The following CIMIP2C variants were observed in gnomAD, a reference collection of about 807,000 sequenced individuals.
CIMIP2C encodes UPF0573 protein C2orf70.
the CIMIP2C span, chr2:26,576,014 C>T: frequency 1.2e-6 from 2 of 1,614,224 alleles, no homozygotes; most frequent in Admixed American, 3.3e-5. Flanking sequence ...GAGCCACACT[C>T]CCTTCAGCCA....
chr2:26,565,601 A>G, the CIMIP2C span, among the ~76,000 whole-genome samples: 1 of 152,142 alleles, frequency 6.6e-6, no homozygotes, highest in East Asian at 1.9e-4. Flanking sequence ...CTCTGGAGCA[A>G]GCCTGCCTGG....
chr2:26,573,224 G>A, the CIMIP2C span, among the ~76,000 whole-genome samples: 3 of 152,136 alleles, frequency 2.0e-5, no homozygotes, highest in Non-Finnish European at 1.5e-5. Flanking sequence ...AAGATGCAGC[G>A]TATTCCTTAG....
chr2:26,579,356 C>T, the CIMIP2C span: 1 of 1,614,064 alleles, frequency 6.2e-7, no homozygotes, highest in Non-Finnish European at 8.5e-7. Context: ...AACCTGAAGA[C>T]CTACCAGACC....
At chr2:26,572,065 G>C in the CIMIP2C span, 1 of 1,530,104 alleles carries the variant, frequency 6.5e-7, no homozygotes, top group Non-Finnish European at 8.8e-7. Context: ...ACCATCAAAG[G>C]ACTAAAGCCA....
the CIMIP2C span, among the ~76,000 whole-genome samples, chr2:26,575,546 G>C: frequency 6.6e-6 from 1 of 152,176 alleles, no homozygotes; most frequent in South Asian, 2.1e-4. Context: ...AGACCTCTGT[G>C]GGGAGGGAGA....
chr2:26,577,972 C>T, the CIMIP2C span: 3 of 291,648 alleles, frequency 1.0e-5, no homozygotes, highest in Non-Finnish European at 1.9e-5. Flanking sequence ...ACGTGGGCGC[C>T]GATGCAGAGC....
At chr2:26,577,411 G>A in the CIMIP2C span, 4 of 1,050,776 alleles carry the variant, frequency 3.8e-6, no homozygotes, top group Admixed American at 4.4e-5. Flanking sequence ...CATTAGGGGA[G>A]GTGGCCCCCA....
At chr2:26,576,172 C>T in the CIMIP2C span, 8 of 1,612,554 alleles carry the variant, frequency 5.0e-6, no homozygotes. Context: ...CGAATTTCTA[C>T]CAGGTAAGCT....
chr2:26,577,956 G>A, the CIMIP2C span: 2 of 339,554 alleles, frequency 5.9e-6, no homozygotes, highest in South Asian at 7.7e-5. Flanking sequence ...AGCTACACTA[G>A]TCCTAACGTG....
chr2:26,564,228 C>G, the CIMIP2C span, among the ~76,000 whole-genome samples: 2 of 152,156 alleles, frequency 1.3e-5, no homozygotes, highest in Non-Finnish European at 2.9e-5. Flanking sequence ...TTTTCTTAAG[C>G]CTCCCACAGT....
At chr2:26,577,571 T>A in the CIMIP2C span, 2 of 1,613,918 alleles carry the variant, frequency 1.2e-6, no homozygotes, top group Non-Finnish European at 1.7e-6. Context: ...GTGCCTCGAG[T>A]CCCCTACTTT....
the CIMIP2C span, chr2:26,562,636 C>G: frequency 6.3e-7 from 1 of 1,586,930 alleles, no homozygotes; most frequent in Non-Finnish European, 8.6e-7. Flanking sequence ...GCGCGGGCAC[C>G]CTACTGACCG....
chr2:26,577,486 C>T, the CIMIP2C span: 2 of 1,595,844 alleles, frequency 1.3e-6, no homozygotes, highest in Middle Eastern at 1.7e-4. Flanking sequence ...GCACTAACAA[C>T]CTGTCATCTC....
the CIMIP2C span, among the ~76,000 whole-genome samples, chr2:26,564,714 C>G: frequency 6.6e-6 from 1 of 152,266 alleles, no homozygotes; most frequent in African/African-American, 2.4e-5. Flanking sequence ...TGTTCAAACA[C>G]TAATCACAGG....
Sources: allele counts gnomAD v4.1 joint callset (sites outside exome capture counted in the v4.1 genomes callset), GRCh38; gene constraint gnomAD v4.1.1; transcripts MANE v1.5; gene names NCBI Gene and HGNC (gene_info 2026-07-23, HGNC 2026-07-21).